The following LHX8 variants were observed in gnomAD, a reference collection of about 807,000 sequenced individuals.
LHX8 encodes LIM/homeobox protein Lhx8.
In LHX8, 12 loss-of-function variants were observed where a neutral mutation model predicts 40.3. The ratio of observed to expected loss-of-function variants is 0.30; its 90% CI spans 0.19 to 0.48. The LOEUF (loss-of-function observed/expected upper bound fraction) is 0.48, where lower values mean the gene tolerates loss of function less well. LHX8 is among the 20% of genes least tolerant of loss of function. The pLI is 0.99. For synonymous variants in LHX8, 179 were observed against 162.0 expected, an observed-to-expected ratio of 1.10 and a Z score of -0.80; for missense variants, 344 against 433.7, an observed-to-expected ratio of 0.79 and a Z score of 1.84.
chr1:75,194,245 C>T, the LHX8 span, among the ~76,000 whole-genome samples: 4 of 151,982 alleles, frequency 2.6e-5, no homozygotes, highest in Non-Finnish European at 5.9e-5. Context: ...TGTGTAAGAC[C>T]CCATGATGAG....
At chr1:75,145,937 A>G (rs891595252) in intron 6 of LHX8, among the ~76,000 whole-genome samples, 21 of 152,304 alleles carry the variant, frequency 1.4e-4, no homozygotes, top group East Asian at 7.7e-4. Flanking sequence ...TGATGAAAGC[A>G]TAGGTAATAT....
chr1:75,150,562 G>A (rs1284947488), intron 7 of LHX8, among the ~76,000 whole-genome samples: 2 of 152,176 alleles, frequency 1.3e-5, no homozygotes, highest in Admixed American at 1.3e-4. Context: ...CAGAGTTGAG[G>A]AAGGAGTCGG....
At chr1:75,139,487 A>G (rs771330430) in intron 3 of LHX8, among the ~76,000 whole-genome samples, 33 of 152,166 alleles carry the variant, frequency 2.2e-4, no homozygotes, top group Non-Finnish European at 3.7e-4. Context: ...ATTGAAATAC[A>G]GAAGGCCCTA....
chr1:75,164,877 A>G (rs904861927), downstream of LHX8, among the ~76,000 whole-genome samples: 3 of 151,918 alleles, frequency 2.0e-5, no homozygotes, highest in Non-Finnish European at 4.4e-5. Flanking sequence ...ATATAATATG[A>G]CGCACAGGCT....
chr1:75,166,050 G>T (rs1055632583), downstream of LHX8, among the ~76,000 whole-genome samples: 7 of 152,198 alleles, frequency 4.6e-5, no homozygotes, highest in Admixed American at 4.6e-4. Context: ...CATTAATTTT[G>T]AAGGGCGGGG....
the LHX8 span, among the ~76,000 whole-genome samples, chr1:75,176,599 A>G: frequency 5.3e-5 from 8 of 152,140 alleles, no homozygotes; most frequent in Non-Finnish European, 1.2e-4. Flanking sequence ...GTAGATTGCA[A>G]AAATTTTCTC....
the LHX8 span, among the ~76,000 whole-genome samples, chr1:75,193,128 A>ATC: frequency 6.6e-6 from 1 of 152,126 alleles, no homozygotes; most frequent in South Asian, 2.1e-4. Context: ...AGGCTCCTTC[A>ATC]TCTCTCTATG....
the LHX8 span, among the ~76,000 whole-genome samples, chr1:75,198,231 T>G: frequency 6.6e-6 from 1 of 152,100 alleles, no homozygotes; most frequent in South Asian, 2.1e-4. Context: ...ATCTTCTCAT[T>G]TACTCTGGCC....
At chr1:75,156,366 C>T (rs748072482) in intron 7 of LHX8, among the ~76,000 whole-genome samples, 11 of 151,982 alleles carry the variant, frequency 7.2e-5, no homozygotes, top group Middle Eastern at 3.2e-3. Flanking sequence ...CTCAGCCATC[C>T]GAGTAGCTAG....
intron 7 of LHX8, among the ~76,000 whole-genome samples, chr1:75,152,525 T>C (rs1228298345): frequency 6.6e-6 from 1 of 152,200 alleles, no homozygotes; most frequent in East Asian, 1.9e-4. Context: ...GCCACATATA[T>C]TGAGCATAGC....
At chr1:75,150,464 A>C (rs1359114836) in intron 7 of LHX8, among the ~76,000 whole-genome samples, 1 of 152,160 alleles carries the variant, frequency 6.6e-6, no homozygotes, top group African/African-American at 2.4e-5. Flanking sequence ...TCCTTTAGAA[A>C]GAGATCATAG....
At chr1:75,148,875 A>T (rs1417153587) in intron 7 of LHX8, among the ~76,000 whole-genome samples, 193 bp downstream of exon 7, 1 of 152,174 alleles carries the variant, frequency 6.6e-6, no homozygotes, top group East Asian at 1.9e-4. Context: ...ATCAAGAGAA[A>T]CAAAAAGTTC....
chr1:75,164,437 G>C (rs988472016), downstream of LHX8, among the ~76,000 whole-genome samples: 3 of 152,044 alleles, frequency 2.0e-5, no homozygotes, highest in Non-Finnish European at 2.9e-5. Flanking sequence ...GTGGCTACCT[G>C]CTACCTTTTA....
chr1:75,199,093 C>T, the LHX8 span, among the ~76,000 whole-genome samples: 1 of 152,154 alleles, frequency 6.6e-6, no homozygotes, highest in Non-Finnish European at 1.5e-5. Context: ...CGCTGTTTAT[C>T]AGAGGATAGA....
At position 75,137,243 on chromosome 1, in the gene LHX8, G is replaced by C. The variant is rs767310384; in HGVS notation, c.219G>C (p.Val73=). The change falls in exon 3 of 9, where the codon GTG becomes GTC. Residue 73 remains valine, a synonymous_variant. Transcript: ENST00000356261. ...GCAACAGTTGCGGCCTGGAGATCGT[G>C]GACAAATACCTTCTCAAGGTAGGAT... ...CVCNSCGLEI[V]DKYLLKVNDL... 6.8e-6 allele frequency: 11 copies of C among 1,613,528 alleles called. No homozygotes were observed. The highest frequency in any genetic ancestry group is 9.3e-6 in the Non-Finnish European group (11 of 1,179,988).
intron 8 of LHX8, chr1:75,159,519 G>A (rs1289344854): frequency 2.0e-5 from 3 of 151,794 alleles, no homozygotes; most frequent in Admixed American, 6.6e-5. Context: ...ATCATCCACC[G>A]ACTTCTTAAT....
chr1:75,130,651 C>G (rs1647937832), upstream of LHX8: 3 of 1,429,430 alleles, frequency 2.1e-6, no homozygotes, highest in African/African-American at 2.8e-5. Flanking sequence ...AGGTATAAAA[C>G]GGAGTCTGGG....
At chr1:75,148,223 G>C (rs1032233646) in intron 6 of LHX8, among the ~76,000 whole-genome samples, 1 of 152,090 alleles carries the variant, frequency 6.6e-6, no homozygotes, top group African/African-American at 2.4e-5. Context: ...TATGATTTTT[G>C]TATTAAGTTT....
upstream of LHX8, among the ~76,000 whole-genome samples, chr1:75,129,653 A>G (rs1305623596): frequency 1.3e-5 from 2 of 152,170 alleles, no homozygotes; most frequent in African/African-American, 2.4e-5. Flanking sequence ...CCTCTCACCT[A>G]TCCCCAGAAA....
Sources: gnomAD v4.1 joint callset for allele counts (sites outside exome capture counted in the v4.1 genomes callset) on GRCh38, gnomAD v4.1.1 for gene constraint, MANE v1.5 for transcripts, NCBI Gene and HGNC (gene_info 2026-07-23, HGNC 2026-07-21) for gene names.